DCC: variants seen among roughly 807,000 people sequenced by gnomAD.
DCC encodes the protein DCC netrin 1 receptor, also known as netrin receptor DCC.
In DCC, 58 loss-of-function variants were observed where a neutral mutation model predicts 172.5. That is an observed-to-expected ratio of 0.34 (90% CI 0.27 to 0.42). The LOEUF (loss-of-function observed/expected upper bound fraction) is 0.42. Among genes scored for constraint, DCC ranks in the 10% least tolerant of loss-of-function variants. DCC has a pLI of 1.00. For missense variants in DCC, 1,740 were observed against 1,791.0 expected (o/e 0.97, Z 0.51); for synonymous variants, 709 against 644.5 (o/e 1.10, Z -1.52).
chr18:53,257,105 A>G (rs2056527720), intron 12 of DCC, among the ~76,000 whole-genome samples: 1 of 152,094 alleles, frequency 6.6e-6, no homozygotes, highest in African/African-American at 2.4e-5. Context: ...GCTTAAGGAG[A>G]TTTTGGGCTG....
intron 1 of DCC, among the ~76,000 whole-genome samples, chr18:52,401,779 C>A (rs1986450574): frequency 6.6e-6 from 1 of 151,902 alleles, no homozygotes; most frequent in South Asian, 2.1e-4. Flanking sequence ...TCATTATGCT[C>A]AATTTTAGGA....
chr18:52,530,211 T>C (rs1373080217), intron 1 of DCC, among the ~76,000 whole-genome samples: 3 of 152,208 alleles, frequency 2.0e-5, no homozygotes, highest in Non-Finnish European at 2.9e-5. Flanking sequence ...GAATAATCTC[T>C]CTTCAAGGAA....
At chr18:52,543,430 A>T (rs992040133) in intron 1 of DCC, among the ~76,000 whole-genome samples, 1 of 152,178 alleles carries the variant, frequency 6.6e-6, no homozygotes, top group African/African-American at 2.4e-5. Flanking sequence ...ACTTGTGTCT[A>T]ATTCGTGCTG....
At chr18:52,888,600 C>T (rs1358905734) in intron 2 of DCC, among the ~76,000 whole-genome samples, 1 of 151,918 alleles carries the variant, frequency 6.6e-6, no homozygotes, top group Admixed American at 6.6e-5. Context: ...GTGTTCTATT[C>T]TATAAAGGCA....
At chr18:53,319,854 A>G (rs983044204) in intron 13 of DCC, among the ~76,000 whole-genome samples, 1 of 111,966 alleles carries the variant, frequency 8.9e-6, no homozygotes, top group Non-Finnish European at 2.0e-5. Context: ...GTTAAAGTCA[A>G]CTACATATGG....
intron 2 of DCC, among the ~76,000 whole-genome samples, chr18:52,842,879 G>C (rs894028347): frequency 6.6e-6 from 1 of 152,150 alleles, no homozygotes; most frequent in African/African-American, 2.4e-5. Context: ...CTAGGTTTTT[G>C]TCTTTAGCAT....
At chr18:52,534,580 T>C (rs1018471868) in intron 1 of DCC, among the ~76,000 whole-genome samples, 4 of 152,170 alleles carry the variant, frequency 2.6e-5, no homozygotes, top group Non-Finnish European at 5.9e-5. Flanking sequence ...TAATGTACAT[T>C]AGGCCCGCAG....
At chr18:53,398,983 A>T (rs527894405) in intron 18 of DCC, among the ~76,000 whole-genome samples, 1 of 152,264 alleles carries the variant, frequency 6.6e-6, no homozygotes, top group Admixed American at 6.5e-5. Context: ...TTCTGCAGTA[A>T]GATAAAGACC....
At chr18:52,658,603 GAA>G (rs60078537) in intron 1 of DCC, among the ~76,000 whole-genome samples, 46,285 of 151,766 alleles carry the variant, frequency 0.3, 7,615 homozygotes, top group East Asian at 0.51. Flanking sequence ...ATGAATCTGA[GAA>G]ATATGATGAG....
chr18:52,390,244 TA>T (rs1598777259), intron 1 of DCC, among the ~76,000 whole-genome samples: 1 of 152,224 alleles, frequency 6.6e-6, no homozygotes, highest in East Asian at 1.9e-4. Flanking sequence ...CATTTCTCAG[TA>T]ATGAAACAGT....
intron 2 of DCC, among the ~76,000 whole-genome samples, chr18:52,758,330 T>A (rs1014711624): frequency 2.0e-5 from 3 of 152,200 alleles, no homozygotes; most frequent in African/African-American, 7.2e-5. Context: ...TTTTTTCTGC[T>A]TCTTAAAAAT....
intron 5 of DCC, among the ~76,000 whole-genome samples, chr18:52,933,535 G>A (rs1598945428): frequency 6.6e-6 from 1 of 151,990 alleles, no homozygotes; most frequent in Non-Finnish European, 1.5e-5. Context: ...TGAATTATGT[G>A]ACTAAAGATT....
chr18:53,239,016 G>C (rs1277421440), intron 12 of DCC, among the ~76,000 whole-genome samples: 2 of 148,066 alleles, frequency 1.4e-5, no homozygotes, highest in African/African-American at 5.0e-5. Flanking sequence ...GACACAGGAA[G>C]GGGGACATCA....
intron 14 of DCC, 86 bp from the exon 15 acceptor site, chr18:53,339,627 T>C: frequency 1.0e-6 from 1 of 1,001,246 alleles, no homozygotes; most frequent in Non-Finnish European, 1.6e-6. Context: ...ATCTATGAAA[T>C]ATGATTTCTC....
rs34591798 is a variant in DCC, at chr18:52,869,213, G to A, written c.413-36831G>A. ...CCCGCAACCAGGAAGAATAAGTTGC[G>A]CAGACAAGTGGAGGGTGAGCAAGAT... On this transcript the variant is annotated intron_variant, in intron 2 of 28. Transcript: ENST00000442544. 5.3e-3 allele frequency among the ~76,000 whole-genome samples: 813 copies of A among 152,328 alleles called. 6 individuals carry two copies. The highest frequency in any genetic ancestry group is 0.01 in the Middle Eastern group (3 of 294).
At chr18:53,479,830 A>T (rs1053762332) in intron 25 of DCC, among the ~76,000 whole-genome samples, 6 of 152,168 alleles carry the variant, frequency 3.9e-5, no homozygotes, top group South Asian at 2.1e-4. Flanking sequence ...TATCTTAGAG[A>T]TTTCTTCAAC....
intron 14 of DCC, among the ~76,000 whole-genome samples, chr18:53,329,113 G>A (rs989810907): frequency 6.6e-6 from 1 of 151,974 alleles, no homozygotes. Flanking sequence ...GTGGAATTAG[G>A]CAGTTTTTTA....
chr18:53,352,768 C>A (rs958099710), intron 15 of DCC, among the ~76,000 whole-genome samples: 3 of 151,982 alleles, frequency 2.0e-5, no homozygotes, highest in African/African-American at 7.2e-5. Flanking sequence ...TCCTGCTATT[C>A]ATGTTTTATG....
intron 1 of DCC, among the ~76,000 whole-genome samples, chr18:52,672,868 A>G (rs1228065603): frequency 6.6e-6 from 1 of 152,116 alleles, no homozygotes; most frequent in Non-Finnish European, 1.5e-5. Context: ...AGAGTTTAAG[A>G]CCAGCCTGGG....
Sources: gnomAD v4.1 joint callset for allele counts (sites outside exome capture counted in the v4.1 genomes callset) on GRCh38, gnomAD v4.1.1 for gene constraint, MANE v1.5 for transcripts, NCBI Gene and HGNC (gene_info 2026-07-23, HGNC 2026-07-21) for gene names.